Variants in PPP2R5A observed in about 807,000 individuals in gnomAD.
The protein encoded by PPP2R5A is protein phosphatase 2 regulatory subunit B'alpha, also known as serine/threonine-protein phosphatase 2A 56 kDa regulatory subunit alpha isoform.
Under a neutral mutation model 64.2 loss-of-function variants are expected in PPP2R5A, and 25 were observed. That is an observed-to-expected ratio of 0.39 (90% CI 0.28 to 0.54). PPP2R5A has a LOEUF of 0.54. Ranked by LOEUF, PPP2R5A falls within the 20% of genes least tolerant of loss-of-function variation. The pLI is 0.67. For synonymous variants in PPP2R5A, 198 were observed against 201.2 expected (o/e 0.98, Z 0.13); for missense variants, 425 against 576.3 (o/e 0.74, Z 2.69).
intron 1 of PPP2R5A, among the ~76,000 whole-genome samples, chr1:212,292,849 T>C (rs1658625030): frequency 6.6e-6 from 1 of 152,218 alleles, no homozygotes; most frequent in Non-Finnish European, 1.5e-5. Context: ...CAGATGTGAA[T>C]CACTGCCTCA....
chr1:212,331,192 GTC>G (rs1659498940), intron 2 of PPP2R5A, among the ~76,000 whole-genome samples: 1 of 148,632 alleles, frequency 6.7e-6, no homozygotes, highest in Admixed American at 6.7e-5. Context: ...AAAAGAGAGT[GTC>G]TCTTTTCCCA....
intron 1 of PPP2R5A, among the ~76,000 whole-genome samples, chr1:212,307,862 C>T (rs114999634): frequency 6.2e-4 from 95 of 152,164 alleles, no homozygotes; most frequent in African/African-American, 2.0e-3. Context: ...AAATACTTCT[C>T]GAGATACGGT....
At chr1:212,310,251 G>A (rs777930430) in intron 1 of PPP2R5A, among the ~76,000 whole-genome samples, 31 of 151,226 alleles carry the variant, frequency 2.0e-4, no homozygotes, top group Non-Finnish European at 3.2e-4. Flanking sequence ...AGGTCAGTAT[G>A]TGATATTTGT....
chr1:212,324,716 T>G (rs1326189833), intron 1 of PPP2R5A, among the ~76,000 whole-genome samples: 4 of 152,112 alleles, frequency 2.6e-5, no homozygotes, highest in Non-Finnish European at 5.9e-5. Context: ...GCCATTCTTC[T>G]GCCTCAGCCT....
At chr1:212,320,136 T>TGGTGATG (rs1659242609) in intron 1 of PPP2R5A, among the ~76,000 whole-genome samples, 1 of 150,900 alleles carries the variant, frequency 6.6e-6, no homozygotes, top group Non-Finnish European at 1.5e-5. Flanking sequence ...GATTAGGGAG[T>TGGTGATG]GGTGATGACT....
In PPP2R5A at chr1:212,329,367, A is replaced by C. The variant is rs369015939; in HGVS notation, c.378+36A>C. ...AGAATTATGTTCCTCAGATTTATGT[A>C]AATTTAAGATCTGAGGTATAATAAT... On this transcript the variant is annotated intron_variant, in intron 2 of 12. Transcript: ENST00000261461. 1.6e-5 allele frequency: 23 copies of C among 1,420,210 alleles called. No individual in the cohort carries two copies. In the African/African-American group the frequency reaches 3.2e-4, roughly 20 times the overall value. The allele number at this position is 1,420,210 out of a possible 1,614,324, so 88.0% of individuals were successfully genotyped here. A position where few individuals can be genotyped will look rare whatever the true frequency, so the allele number is the denominator to read the frequency against.
At chr1:212,342,349 AAT>A in intron 4 of PPP2R5A, 69 bp downstream of exon 4, 1 of 1,532,616 alleles carries the variant, frequency 6.5e-7, no homozygotes. Flanking sequence ...TTATTATTAA[AAT>A]AGTGTAGTCT....
chr1:212,358,627 G>C, intron 11 of PPP2R5A, 59 bp from the exon 12 acceptor site: 1 of 1,260,884 alleles, frequency 7.9e-7, no homozygotes, highest in African/African-American at 1.5e-5. Context: ...AGACCATAGT[G>C]TTACATTTCC....
At chr1:212,330,366 A>G (rs1460763050) in intron 2 of PPP2R5A, among the ~76,000 whole-genome samples, 1 of 151,734 alleles carries the variant, frequency 6.6e-6, no homozygotes, top group African/African-American at 2.4e-5. Context: ...CCATCTCTAC[A>G]AAAAGTACTA....
Position 212,285,825 on chromosome 1 carries a change from A to T in PPP2R5A, c.-286A>T. On this transcript the variant is annotated 5_prime_UTR_variant, in exon 1 of 13. Coordinates refer to ENST00000261461, the MANE Select transcript of PPP2R5A (RefSeq NM_006243.4). ...TCTCTTCCACCCGCTCTGCGCGCCCAGAGTCAACAACTTCTTCACCCCCCT... is the reference window on the plus strand; with the variant it reads ...TCTCTTCCACCCGCTCTGCGCGCCCTGAGTCAACAACTTCTTCACCCCCCT... The T allele has an allele frequency of 3.1e-6, 1 of 324,460 alleles. No homozygotes were observed. Among genetic ancestry groups the T allele is most frequent in the African/African-American group, 2.2e-5 (1 of 46,240 alleles). The allele number at this position is 324,460 out of a possible 1,614,324, so 20.1% of individuals were successfully genotyped here.
chr1:212,353,856 TAC>T (rs1274158821), intron 8 of PPP2R5A, among the ~76,000 whole-genome samples: 1 of 152,186 alleles, frequency 6.6e-6, no homozygotes, highest in African/African-American at 2.4e-5. Flanking sequence ...CTCACTTATT[TAC>T]AGTCATGTGC....
chr1:212,299,435 G>A (rs1658758745), intron 1 of PPP2R5A: 3 of 152,146 alleles, frequency 2.0e-5, no homozygotes, highest in African/African-American at 7.2e-5. Flanking sequence ...GAAATGTTGG[G>A]TATATTCTGG....
chr1:212,342,593 T>C (rs1659703896), intron 4 of PPP2R5A, among the ~76,000 whole-genome samples: 1 of 152,208 alleles, frequency 6.6e-6, no homozygotes, highest in Non-Finnish European at 1.5e-5. Context: ...ATTCAATCCA[T>C]GGGCAAATCT....
At chr1:212,357,090 C>A in intron 10 of PPP2R5A, 21 bp downstream of exon 10, 1 of 1,593,298 alleles carries the variant, frequency 6.3e-7, no homozygotes, top group East Asian at 2.2e-5. Flanking sequence ...TTCAGTGAAG[C>A]CTTTACTTTA....
Position 212,315,166 on chromosome 1 carries a change from A to G in PPP2R5A, c.182-13969A>G, listed in dbSNP as rs184333300. Among the ~76,000 whole-genome samples, 322 of 152,348 alleles carry G rather than the reference A, an allele frequency of 2.1e-3. 5 individuals carry two copies. The highest frequency in any genetic ancestry group is 7.6e-3 in the African/African-American group (314 of 41,576). On this transcript the variant is annotated intron_variant, in intron 1 of 12. Transcript: ENST00000261461. The stretch of plus-strand genomic sequence containing the variant: ...AATATTCTAATATAGTATATGGGGA[A>G]TAGTTTCTCATCCTGAATTAATAAA...
At chr1:212,301,638 C>A (rs771641829) in intron 1 of PPP2R5A, among the ~76,000 whole-genome samples, 3 of 152,110 alleles carry the variant, frequency 2.0e-5, no homozygotes, top group Non-Finnish European at 4.4e-5. Context: ...TTTATAATAG[C>A]CTGCTCTCTA....
chr1:212,324,329 T>C (rs1283211955), intron 1 of PPP2R5A, among the ~76,000 whole-genome samples: 1 of 152,128 alleles, frequency 6.6e-6, no homozygotes, highest in Non-Finnish European at 1.5e-5. Flanking sequence ...AAAGGTACAG[T>C]AAAAATAGGT....
intron 1 of PPP2R5A, among the ~76,000 whole-genome samples, chr1:212,296,956 T>C (rs1658703585): frequency 6.6e-6 from 1 of 152,188 alleles, no homozygotes; most frequent in Admixed American, 6.5e-5. Flanking sequence ...TGCTGATTCC[T>C]CTATTAAATG....
At chr1:212,318,831 A>G (rs1659207636) in intron 1 of PPP2R5A, among the ~76,000 whole-genome samples, 1 of 152,248 alleles carries the variant, frequency 6.6e-6, no homozygotes, top group Admixed American at 6.5e-5. Context: ...TAATATAGAC[A>G]TGATTTAAAG....
Sources: gnomAD v4.1 joint callset for allele counts (sites outside exome capture counted in the v4.1 genomes callset) on GRCh38, gnomAD v4.1.1 for gene constraint, MANE v1.5 for transcripts, NCBI Gene and HGNC (gene_info 2026-07-23, HGNC 2026-07-21) for gene names.